The following RIPOR2 variants were observed in gnomAD, a reference collection of about 807,000 sequenced individuals.
The protein encoded by RIPOR2 is RHO family interacting cell polarization regulator 2, also known as rho family-interacting cell polarization regulator 2.
Under a neutral mutation model 114.5 loss-of-function variants are expected in RIPOR2, and 39 were observed. The ratio of observed to expected loss-of-function variants is 0.34; its 90% CI spans 0.26 to 0.44. RIPOR2 has a LOEUF of 0.44. Among genes scored for constraint, RIPOR2 ranks in the 20% least tolerant of loss-of-function variants. The pLI, the probability that RIPOR2 is intolerant of heterozygous loss-of-function variation, is 1.00. For missense variants in RIPOR2, 1,007 were observed against 1,255.1 expected (o/e 0.80, Z 2.99); for synonymous variants, 445 against 484.4 (o/e 0.92, Z 1.07).
At chr6:24,823,243 A>G (rs1486241688) in intron 19 of RIPOR2, among the ~76,000 whole-genome samples, 1 of 152,192 alleles carries the variant, frequency 6.6e-6, no homozygotes. Context: ...AACTTAATGT[A>G]ATAACTTTTG....
At chr6:24,886,352 A>T (rs550001022) in intron 1 of RIPOR2, among the ~76,000 whole-genome samples, 28 of 152,342 alleles carry the variant, frequency 1.8e-4, no homozygotes, top group Admixed American at 1.7e-3. Flanking sequence ...AGGAAATGTA[A>T]CATCAATACA....
chr6:24,807,931 G>C (rs1469401286), intron 21 of RIPOR2, among the ~76,000 whole-genome samples: 2 of 152,122 alleles, frequency 1.3e-5, no homozygotes, highest in African/African-American at 4.8e-5. Flanking sequence ...GCCAGTATTT[G>C]TGTATTAGGG....
intron 20 of RIPOR2, among the ~76,000 whole-genome samples, chr6:24,818,215 G>A (rs200434549): frequency 4.6e-5 from 7 of 151,542 alleles, no homozygotes; most frequent in South Asian, 2.1e-4. Flanking sequence ...CACCGGCCTC[G>A]GCCTCCCAAA....
At position 24,835,797 on chromosome 6, in the gene RIPOR2, C is replaced by G; in HGVS notation, c.2114G>C (p.Ser705Thr). 6.4e-7 allele frequency: 1 copy of G among 1,551,632 alleles called. No homozygotes were observed. Among genetic ancestry groups the G allele is most frequent in the Non-Finnish European group, 8.7e-7 (1 of 1,146,962 alleles). The change falls in exon 15 of 22, where the codon AGT (serine) becomes ACT (threonine). Residue 705 changes from serine to threonine, a missense_variant. By Grantham distance (58) the Ser-to-Thr change is moderately conservative (BLOSUM62 1). Coordinates refer to ENST00000643898, the MANE Select transcript of RIPOR2 (RefSeq NM_001286445.3). ...ALTEDTGVGT[S>T]VAGSPLPLTT... Reference sequence around the variant, plus strand: ...CAGTGGGAGAGGACTTCCTGCCACACTGGTCCCAACTCCTGTGTCTTCAGT... The same window carrying G: ...CAGTGGGAGAGGACTTCCTGCCACAGTGGTCCCAACTCCTGTGTCTTCAGT...
intron 1 of RIPOR2, among the ~76,000 whole-genome samples, chr6:25,010,405 T>C (rs1561841769): frequency 1.3e-5 from 2 of 152,238 alleles, no homozygotes; most frequent in South Asian, 2.1e-4. Context: ...GTCTGACGCC[T>C]TCACCAGATG....
Position 24,821,464 on chromosome 6 carries a change from G to A in RIPOR2, c.2869-2839C>T, listed in dbSNP as rs988986038. Among the ~76,000 whole-genome samples the A allele has an allele frequency of 5.9e-5, 9 of 152,362 alleles. No individual in the cohort carries two copies. In the East Asian group the frequency reaches 1.3e-3, roughly 23 times the overall value. ...CTCCCAAAGTGCTGGGATTACAGGC[G>A]TGAGCCACAGTGCCCAGCTCTGTGG... is the stretch of plus-strand genomic sequence containing the variant. On this transcript the variant is annotated intron_variant, in intron 19 of 21. Coordinates refer to ENST00000643898, the MANE Select transcript of RIPOR2 (RefSeq NM_001286445.3).
chr6:24,890,381 A>G (rs1378976095), intron 1 of RIPOR2, among the ~76,000 whole-genome samples: 1 of 152,228 alleles, frequency 6.6e-6, no homozygotes, highest in East Asian at 1.9e-4. Context: ...CATTATCTTA[A>G]GTGAAACAAC....
At chr6:24,942,842 A>AT (rs1772209226) in intron 1 of RIPOR2, among the ~76,000 whole-genome samples, 1 of 152,030 alleles carries the variant, frequency 6.6e-6, no homozygotes, top group Non-Finnish European at 1.5e-5. Context: ...GGTTGCAAAC[A>AT]TTTTCTCCCA....
At chr6:24,898,269 C>T (rs1323663718) in intron 1 of RIPOR2, 3 of 152,068 alleles carry the variant, frequency 2.0e-5, no homozygotes, top group Non-Finnish European at 4.4e-5. Context: ...GTTGGTCTTA[C>T]TAGAACCTAT....
At chr6:24,849,996 G>GAGAAAGGT (rs1343090664) in intron 10 of RIPOR2, 46 bp from the exon 11 acceptor site, 1 of 1,526,652 alleles carries the variant, frequency 6.6e-7, no homozygotes, top group African/African-American at 1.4e-5. Context: ...CACAGCAGAG[G>GAGAAAGGT]AGAAAGGTAG....
At chr6:24,941,322 A>G (rs1168453988) in intron 1 of RIPOR2, among the ~76,000 whole-genome samples, 2 of 152,100 alleles carry the variant, frequency 1.3e-5, no homozygotes, top group African/African-American at 4.8e-5. Flanking sequence ...CAAGGTCATA[A>G]CTATGGGTTA....
intron 1 of RIPOR2, among the ~76,000 whole-genome samples, chr6:25,031,754 ATATCCATAGAATATATATATATTCTATGG>A (rs1402409593): frequency 1.1e-4 from 12 of 108,962 alleles, no homozygotes; most frequent in African/African-American, 3.8e-4. Flanking sequence ...TATATATAAA[ATATCCATAGAATATATATATATTCTATGG>A]ATATCCATAG....
At chr6:25,011,679 C>G (rs1056200895) in intron 1 of RIPOR2, among the ~76,000 whole-genome samples, 2 of 152,154 alleles carry the variant, frequency 1.3e-5, no homozygotes, top group African/African-American at 2.4e-5. Flanking sequence ...AAGTTCTTAA[C>G]TACTAAAAAT....
intron 1 of RIPOR2, among the ~76,000 whole-genome samples, chr6:24,913,073 C>G (rs1406706429): frequency 6.6e-6 from 1 of 152,064 alleles, no homozygotes; most frequent in Non-Finnish European, 1.5e-5. Context: ...CAGCACATTC[C>G]ACTCCCACCC....
intron 7 of RIPOR2, among the ~76,000 whole-genome samples, chr6:24,864,727 C>T (rs892757380): frequency 4.6e-5 from 7 of 152,134 alleles, no homozygotes; most frequent in Non-Finnish European, 8.8e-5. Context: ...AAGCACACTT[C>T]TGTTCATGGT....
intron 1 of RIPOR2, chr6:25,023,656 T>G: frequency 1.3e-6 from 1 of 762,776 alleles, no homozygotes; most frequent in Non-Finnish European, 2.4e-6. Context: ...CATAGATACC[T>G]CGGGACTTCA....
intron 1 of RIPOR2, among the ~76,000 whole-genome samples, chr6:24,935,390 G>GAGAC (rs1483788835): frequency 3.6e-4 from 54 of 150,372 alleles, no homozygotes; most frequent in African/African-American, 1.3e-3. Context: ...CAGAGAGAGA[G>GAGAC]AGAGACAGAA....
At chr6:25,040,899 T>C (rs1777440471) in intron 1 of RIPOR2, among the ~76,000 whole-genome samples, 1 of 152,202 alleles carries the variant, frequency 6.6e-6, no homozygotes, top group Admixed American at 6.5e-5. Context: ...CTGCTTTTTT[T>C]GAAAAATTGG....
chr6:24,830,126 C>T (rs185528982), intron 17 of RIPOR2, among the ~76,000 whole-genome samples: 1 of 152,138 alleles, frequency 6.6e-6, no homozygotes, highest in Admixed American at 6.5e-5. Context: ...CTACCACGCC[C>T]GGCTAATTTT....
Sources: gnomAD v4.1 joint callset for allele counts (sites outside exome capture counted in the v4.1 genomes callset) on GRCh38, gnomAD v4.1.1 for gene constraint, MANE v1.5 for transcripts, NCBI Gene and HGNC (gene_info 2026-07-23, HGNC 2026-07-21) for gene names.